RBFOX1: variants seen among roughly 807,000 people sequenced by gnomAD.
RBFOX1 encodes the protein RNA binding fox-1 homolog 1.
In RBFOX1, 8 loss-of-function variants were observed where a neutral mutation model predicts 57.7. That is an observed-to-expected ratio of 0.14 (90% CI 0.08 to 0.25). The LOEUF is 0.25. Ranked by LOEUF, RBFOX1 falls within the 10% of genes least tolerant of loss-of-function variation. RBFOX1 has a pLI of 1.00. For synonymous variants in RBFOX1, 326 were observed against 222.4 expected (o/e 1.47, Z -4.15); for missense variants, 611 against 548.5 (o/e 1.11, Z -1.14).
intron 3 of RBFOX1, among the ~76,000 whole-genome samples, chr16:6,927,101 T>G (rs1381891655): frequency 6.6e-6 from 1 of 152,058 alleles, no homozygotes; most frequent in Non-Finnish European, 1.5e-5. Context: ...TGAGTTTGCA[T>G]TAGCTTCCCC....
At chr16:6,115,276 A>G (rs1314235515) in intron 1 of RBFOX1, among the ~76,000 whole-genome samples, 1 of 152,214 alleles carries the variant, frequency 6.6e-6, no homozygotes, top group East Asian at 1.9e-4. Flanking sequence ...TGTGGAGTAT[A>G]AACTTTAAGT....
chr16:6,384,181 C>T (rs990197649), intron 2 of RBFOX1, among the ~76,000 whole-genome samples: 1 of 150,806 alleles, frequency 6.6e-6, no homozygotes, highest in Admixed American at 6.6e-5. Context: ...GTTAACCATG[C>T]TTTATGCTGA....
chr16:6,612,718 G>A (rs1430422894), intron 2 of RBFOX1, among the ~76,000 whole-genome samples: 1 of 151,852 alleles, frequency 6.6e-6, no homozygotes, highest in Non-Finnish European at 1.5e-5. Context: ...CGGGTGTGGT[G>A]GTCGGTGTCT....
intron 4 of RBFOX1, among the ~76,000 whole-genome samples, chr16:7,356,981 G>T (rs914859918): frequency 6.6e-6 from 1 of 152,182 alleles, no homozygotes; most frequent in Non-Finnish European, 1.5e-5. Context: ...TGTGAATGCT[G>T]AGGGCCCCTC....
intron 3 of RBFOX1, among the ~76,000 whole-genome samples, chr16:6,882,183 C>T (rs1400525698): frequency 6.6e-6 from 1 of 152,056 alleles, no homozygotes; most frequent in East Asian, 1.9e-4. Flanking sequence ...CTTCTCTCTT[C>T]CTGGCCCCTT....
chr16:5,585,117 T>C (rs1378674933), intron 2 of RBFOX1, among the ~76,000 whole-genome samples: 1 of 152,184 alleles, frequency 6.6e-6, no homozygotes, highest in Non-Finnish European at 1.5e-5. Context: ...TTCCAAAATA[T>C]TTTAATCTCC....
rs981513440 is a variant in RBFOX1, at chr16:7,677,162, G to C, written c.995+324G>C. On this transcript the variant is annotated intron_variant, in intron 14 of 15. Coordinates refer to ENST00000550418, the MANE Select transcript of RBFOX1 (RefSeq NM_018723.4). ...ACACACACACACACACACACACACC[G>C]TACAACCTTCTTATGGTCTTCCACA... 1.8e-4 allele frequency among the ~76,000 whole-genome samples: 8 copies of C among 43,250 alleles called. No individual in the cohort carries two copies. The East Asian group carries it at 2.9e-3, about 16-fold the overall frequency. 28.4% of individuals were successfully genotyped at this position (43,250 alleles called of 152,430 possible). A position where few individuals can be genotyped will look rare whatever the true frequency, so the allele number is the denominator to read the frequency against.
chr16:7,537,056 G>A (rs773366088), intron 5 of RBFOX1, among the ~76,000 whole-genome samples: 7 of 152,174 alleles, frequency 4.6e-5, no homozygotes, highest in South Asian at 2.1e-4. Context: ...TACCATGGGA[G>A]GCCATTGAAG....
At chr16:5,320,431 C>G (rs913910443) in intron 1 of RBFOX1, among the ~76,000 whole-genome samples, 4 of 152,156 alleles carry the variant, frequency 2.6e-5, no homozygotes, top group African/African-American at 7.2e-5. Flanking sequence ...TTTACAAAAG[C>G]TCAGAATAGA....
At chr16:7,647,982 C>T (rs1225310798) in intron 11 of RBFOX1, among the ~76,000 whole-genome samples, 2 of 152,122 alleles carry the variant, frequency 1.3e-5, no homozygotes, top group Admixed American at 1.3e-4. Flanking sequence ...ATCATCTGTC[C>T]AGGTAATCAT....
chr16:6,881,555 A>G (rs9933011), intron 3 of RBFOX1, among the ~76,000 whole-genome samples: 4,984 of 151,984 alleles, frequency 0.033, 273 homozygotes, highest in African/African-American at 0.11. Flanking sequence ...AAACATGCAT[A>G]CTCCTCTTCC....
rs142511855 is a variant in RBFOX1 at position 6,184,188 on chromosome 16, C to T, written c.-126-132807C>T. Among the ~76,000 whole-genome samples the T allele has an allele frequency of 4.6e-3, 695 of 152,250 alleles. 7 individuals are homozygous for T. The highest frequency in any genetic ancestry group is 5.0e-3 in the Non-Finnish European group (343 of 68,028). ...CCCCATGATTCAGTTACCTCCCATCCGGCTTCTCCCATAACATATGGGAAT... is the reference window on the plus strand; with the variant it reads ...CCCCATGATTCAGTTACCTCCCATCTGGCTTCTCCCATAACATATGGGAAT... On this transcript the variant is annotated intron_variant, in intron 1 of 15. Coordinates refer to ENST00000550418, the MANE Select transcript of RBFOX1 (RefSeq NM_018723.4).
intron 3 of RBFOX1, among the ~76,000 whole-genome samples, chr16:6,845,474 A>G (rs1455341175): frequency 6.6e-6 from 1 of 152,140 alleles, no homozygotes; most frequent in Admixed American, 6.5e-5. Context: ...AGGTTTGTCA[A>G]AGATCAGATG....
chr16:5,582,750 C>G (rs945917533), intron 2 of RBFOX1, among the ~76,000 whole-genome samples: 1 of 152,060 alleles, frequency 6.6e-6, no homozygotes, highest in Non-Finnish European at 1.5e-5. Flanking sequence ...CAACCTCTGC[C>G]TCCTGCCCTG....
At chr16:5,755,976 G>C (rs7196169) in intron 3 of RBFOX1, among the ~76,000 whole-genome samples, 57,920 of 151,808 alleles carry the variant, frequency 0.38, 11,236 homozygotes, top group East Asian at 0.44. Context: ...AGACATCACA[G>C]TTTGAAAAGA....
At chr16:7,014,174 A>T (rs76651087) in intron 3 of RBFOX1, among the ~76,000 whole-genome samples, 1 of 152,216 alleles carries the variant, frequency 6.6e-6, no homozygotes, top group African/African-American at 2.4e-5. Context: ...AAACTTTGAC[A>T]AATGAAAATA....
intron 2 of RBFOX1, among the ~76,000 whole-genome samples, chr16:6,435,959 G>C (rs781746504): frequency 1.4e-4 from 21 of 152,014 alleles, no homozygotes; most frequent in Non-Finnish European, 2.4e-4. Flanking sequence ...AGCATGTGAT[G>C]GTTTTTCATT....
chr16:5,457,293 C>T (rs2068659732), intron 1 of RBFOX1, among the ~76,000 whole-genome samples: 1 of 151,718 alleles, frequency 6.6e-6, no homozygotes, highest in Non-Finnish European at 1.5e-5. Context: ...CACCGCTATA[C>T]CTGGATAATT....
At chr16:7,134,095 C>T (rs1013065739) in intron 4 of RBFOX1, among the ~76,000 whole-genome samples, 1 of 152,120 alleles carries the variant, frequency 6.6e-6, no homozygotes, top group Non-Finnish European at 1.5e-5. Flanking sequence ...GTTTGTTATG[C>T]TGTATAAAAT....
Sources: gnomAD v4.1 joint callset for allele counts (sites outside exome capture counted in the v4.1 genomes callset) on GRCh38, gnomAD v4.1.1 for gene constraint, MANE v1.5 for transcripts, NCBI Gene and HGNC (gene_info 2026-07-23, HGNC 2026-07-21) for gene names.